NOX5: variants seen among roughly 807,000 people sequenced by gnomAD.
NOX5 encodes the protein NADPH oxidase, EF-hand calcium binding domain 5.
In NOX5, 76 loss-of-function variants were observed where a neutral mutation model predicts 85.7. The ratio of observed to expected loss-of-function variants is 0.89; its 90% CI spans 0.74 to 1.07. The LOEUF (loss-of-function observed/expected upper bound fraction) is 1.07, where lower values mean the gene tolerates loss of function less well. Ranked by LOEUF, NOX5 falls within the 50% of genes least tolerant of loss-of-function variation. NOX5 has a pLI of 0.00. For missense variants in NOX5, 973 were observed against 999.5 expected (o/e 0.97, Z 0.36); for synonymous variants, 405 against 401.4 (o/e 1.01, Z -0.11).
In NOX5 at chr15:69,036,635, G is replaced by A. The variant is rs894940946; in HGVS notation, c.1189-393G>A. On this transcript the variant is annotated intron_variant, in intron 7 of 15. Coordinates refer to ENST00000388866, the MANE Select transcript of NOX5 (RefSeq NM_024505.4). ...TAATGAAATTGCCCAAGATCACAAA[G>A]CTTCAGAAGGTGCTAAAATTGTCTT... Among the ~76,000 whole-genome samples, 8 of 152,290 alleles carry A rather than the reference G, an allele frequency of 5.3e-5. No homozygotes were observed. In the South Asian group the frequency reaches 8.3e-4, roughly 16 times the overall value.
intron 5 of NOX5, among the ~76,000 whole-genome samples, chr15:69,034,931 C>T (rs1319969781): frequency 6.6e-6 from 1 of 151,828 alleles, no homozygotes; most frequent in Non-Finnish European, 1.5e-5. Context: ...GCTAATTAAA[C>T]AATTTTTTTT....
intron 14 of NOX5, among the ~76,000 whole-genome samples, chr15:69,052,329 T>G (rs2050759499): frequency 1.3e-5 from 2 of 152,230 alleles, no homozygotes; most frequent in South Asian, 2.1e-4. Flanking sequence ...AAGCATTTAC[T>G]CTCATCATTG....
intron 3 of NOX5, chr15:69,029,154 C>T (rs966346649): frequency 1.3e-5 from 2 of 152,198 alleles, no homozygotes; most frequent in Non-Finnish European, 2.9e-5. Flanking sequence ...CCCCATGCCT[C>T]CTCCCCTAGT....
chr15:69,035,582 C>T, intron 6 of NOX5, 75 bp downstream of exon 6: 1 of 1,577,016 alleles, frequency 6.3e-7, no homozygotes, highest in South Asian at 1.2e-5. Context: ...GGCCCAGCCC[C>T]TGTGTGTACT....
intron 14 of NOX5, among the ~76,000 whole-genome samples, chr15:69,053,163 A>G (rs1273542443): frequency 6.6e-6 from 1 of 152,238 alleles, no homozygotes; most frequent in Admixed American, 6.5e-5. Context: ...TCATTGCTAT[A>G]GCTTAAGCGT....
chr15:69,043,169 AC>A (rs2050617858), intron 10 of NOX5, among the ~76,000 whole-genome samples: 1 of 152,166 alleles, frequency 6.6e-6, no homozygotes, highest in African/African-American at 2.4e-5. Flanking sequence ...TCTGTTACTT[AC>A]CTTTCTCCTG....
chr15:69,035,228 G>A, intron 5 of NOX5, 126 bp from the exon 6 acceptor site: 2 of 1,000,556 alleles, frequency 2.0e-6, no homozygotes, highest in Non-Finnish European at 2.9e-6. Context: ...ATGGGGGCAG[G>A]GGACTTTGGT....
chr15:69,041,085 G>C (rs1192034792), intron 9 of NOX5, among the ~76,000 whole-genome samples: 1 of 152,204 alleles, frequency 6.6e-6, no homozygotes, highest in Admixed American at 6.5e-5. Context: ...GGGTTCATGT[G>C]GGGGCTGATA....
intron 2 of NOX5, among the ~76,000 whole-genome samples, chr15:69,027,539 C>A (rs1335810558): frequency 6.6e-6 from 1 of 152,102 alleles, no homozygotes. Flanking sequence ...CAGGGTCCTC[C>A]CCCTGCCTTG....
At chr15:69,028,432 T>A in intron 3 of NOX5, 67 bp downstream of exon 3, 4 of 1,460,416 alleles carry the variant, frequency 2.7e-6, no homozygotes, top group Non-Finnish European at 3.7e-6. Context: ...AACTGGCCAT[T>A]TCACCTTGGC....
At chr15:69,020,928 A>G (rs757254688) in intron 1 of NOX5, among the ~76,000 whole-genome samples, 32 of 152,132 alleles carry the variant, frequency 2.1e-4, no homozygotes, top group Non-Finnish European at 3.8e-4. Context: ...CATAATAAAA[A>G]CTATTTTTCT....
chr15:69,035,819 G>A lies in NOX5; in HGVS notation c.1071G>A (p.Arg357=). 1 of 1,614,176 alleles carries A rather than the reference G, an allele frequency of 6.2e-7. No homozygotes were observed. Among genetic ancestry groups the A allele is most frequent in the Non-Finnish European group, 8.5e-7 (1 of 1,180,036 alleles). The change falls in exon 7 of 16, where the codon AGG becomes AGA. Residue 357 remains arginine (R), a synonymous_variant. Transcript: ENST00000388866. ...FQFWELLLTT[R]PGIGWVHGSA... ...TCTGGGAGCTGCTGCTCACCACGAG[G>A]CCTGGCATTGGCTGGGTACACGGTT... is the stretch of plus-strand genomic sequence containing the variant.
At chr15:69,051,962 T>C (rs1335304636) in intron 14 of NOX5, among the ~76,000 whole-genome samples, 1 of 152,126 alleles carries the variant, frequency 6.6e-6, no homozygotes, top group African/African-American at 2.4e-5. Flanking sequence ...GCCTGTAATC[T>C]CAGTGCTTTG....
chr15:69,052,872 C>T (rs565925651), intron 14 of NOX5, among the ~76,000 whole-genome samples: 3 of 152,262 alleles, frequency 2.0e-5, no homozygotes, highest in African/African-American at 7.2e-5. Context: ...ATTAGAAACT[C>T]AATTTTATGA....
At chr15:69,038,072 A>G (rs184601943) in intron 8 of NOX5, 1 of 152,638 alleles carries the variant, frequency 6.6e-6, no homozygotes, top group East Asian at 1.9e-4. Context: ...GGCAGTGGCC[A>G]TGGGATGGAG....
At chr15:69,049,337 C>T (rs2050718965) in intron 14 of NOX5, among the ~76,000 whole-genome samples, 1 of 151,982 alleles carries the variant, frequency 6.6e-6, no homozygotes, top group Non-Finnish European at 1.5e-5. Context: ...ACCACAGGTG[C>T]AGGCCACCAC....
At chr15:69,026,422 G>C in intron 1 of NOX5, 106 bp from the exon 2 acceptor site, 1 of 1,422,604 alleles carries the variant, frequency 7.0e-7, no homozygotes, top group Middle Eastern at 2.4e-4. Flanking sequence ...AACTCAGGGA[G>C]GCTCAGGGCC....
intron 1 of NOX5, among the ~76,000 whole-genome samples, chr15:69,015,789 A>T (rs1266362103): frequency 1.3e-5 from 2 of 151,628 alleles, no homozygotes; most frequent in Non-Finnish European, 2.9e-5. Flanking sequence ...GGAGGTGTGA[A>T]TGTCTTTGGG....
intron 14 of NOX5, among the ~76,000 whole-genome samples, chr15:69,052,519 G>A (rs192525075): frequency 1.2e-4 from 18 of 152,268 alleles, no homozygotes; most frequent in Admixed American, 3.9e-4. Context: ...TAAGAGAATT[G>A]GCATAGTGTT....
Sources: allele counts gnomAD v4.1 joint callset (sites outside exome capture counted in the v4.1 genomes callset), GRCh38; gene constraint gnomAD v4.1.1; transcripts MANE v1.5; gene names NCBI Gene and HGNC (gene_info 2026-07-23, HGNC 2026-07-21).